Variants in KLF8 observed in about 807,000 individuals in gnomAD.
KLF8 encodes the protein Krueppel-like factor 8.
In KLF8, 10 loss-of-function variants were observed where a neutral mutation model predicts 18.2. That is an observed-to-expected ratio of 0.55 (90% CI 0.34 to 0.93). The LOEUF is 0.93. Ranked by LOEUF, KLF8 falls within the 40% of genes least tolerant of loss-of-function variation. The pLI, the probability that KLF8 is intolerant of heterozygous loss-of-function variation, is 0.02. For missense variants in KLF8, 264 were observed against 277.9 expected (o/e 0.95, Z 0.36); for synonymous variants, 109 against 97.3 (o/e 1.12, Z -0.71).
At chrX:56,083,782 C>A in the KLF8 span, among the ~76,000 whole-genome samples, 1 of 111,040 alleles carries the variant, frequency 9.0e-6, no homozygotes, top group African/African-American at 3.3e-5. Context: ...GGAGTGTGTA[C>A]CCTATTGTGA....
chrX:56,208,852 A>T, the KLF8 span, among the ~76,000 whole-genome samples: 8,643 of 111,763 alleles, frequency 0.077, 833 homozygotes, highest in African/African-American at 0.27. Context: ...TTTTAAAAAA[A>T]TTTTTAAGAC....
chrX:56,048,170 C>T, the KLF8 span, among the ~76,000 whole-genome samples: 28 of 111,426 alleles, frequency 2.5e-4, no homozygotes, highest in Non-Finnish European at 3.8e-4. Flanking sequence ...GATATTAGCC[C>T]TTTGTCAGAT....
the KLF8 span, among the ~76,000 whole-genome samples, chrX:55,938,406 G>A: frequency 9.0e-6 from 1 of 111,712 alleles, no homozygotes; most frequent in South Asian, 3.8e-4. Flanking sequence ...ACCAGTACCA[G>A]CCACTGCAAA....
chrX:56,033,824 T>C, the KLF8 span, among the ~76,000 whole-genome samples: 1 of 112,595 alleles, frequency 8.9e-6, no homozygotes, highest in East Asian at 2.8e-4. Context: ...GAAATGTCTT[T>C]TCAGATCTTT....
the KLF8 span, among the ~76,000 whole-genome samples, chrX:56,052,182 CA>C: frequency 3.6e-5 from 4 of 110,340 alleles, no homozygotes; most frequent in Non-Finnish European, 5.7e-5. Flanking sequence ...AAATTTTTTT[CA>C]AAGTTTTCAA....
chrX:55,947,380 C>G, the KLF8 span, among the ~76,000 whole-genome samples: 1 of 107,376 alleles, frequency 9.3e-6, no homozygotes, highest in African/African-American at 3.4e-5. Context: ...AGTAAACTAT[C>G]TCAAGAAGAA....
chrX:56,285,732 C>T lies in KLF8; in HGVS notation c.*1238C>T, dbSNP rs1385498599. 2 of 111,452 alleles carry T rather than the reference C, an allele frequency of 1.8e-5. No individual in the cohort carries two copies. Among genetic ancestry groups the T allele is most frequent in the South Asian group, 3.8e-4 (1 of 2,659 alleles). 9.2% of individuals were successfully genotyped at this position (111,452 alleles called of 1,213,427 possible). A position where few individuals can be genotyped will look rare whatever the true frequency, so the allele number is the denominator to read the frequency against. On this transcript the variant is annotated 3_prime_UTR_variant, in exon 6 of 6. Transcript: ENST00000468660. ...AGCTGATAGCAGATTGCATAATATACTCATTTAGCTGCCCAATCAGATTGT... is the reference window on the plus strand; with the variant it reads ...AGCTGATAGCAGATTGCATAATATATTCATTTAGCTGCCCAATCAGATTGT...
the KLF8 span, among the ~76,000 whole-genome samples, chrX:56,165,335 G>T: frequency 1.8e-5 from 2 of 112,166 alleles, no homozygotes; most frequent in Admixed American, 1.9e-4. Flanking sequence ...CAGCTGCTCT[G>T]CAAAAACATG....
chrX:56,227,590 G>C (rs1331567912), upstream of KLF8, among the ~76,000 whole-genome samples: 1 of 111,137 alleles, frequency 9.0e-6, no homozygotes, highest in Non-Finnish European at 1.9e-5. Context: ...TGATGAATCC[G>C]CCTTGGCCTC....
At chrX:56,149,496 G>A in the KLF8 span, among the ~76,000 whole-genome samples, 1 of 110,741 alleles carries the variant, frequency 9.0e-6, no homozygotes, top group Admixed American at 9.7e-5. Context: ...CTCACTGCCT[G>A]CCTGATAGGA....
chrX:56,184,697 C>T, the KLF8 span, among the ~76,000 whole-genome samples: 1 of 111,738 alleles, frequency 8.9e-6, no homozygotes, highest in Non-Finnish European at 1.9e-5. Context: ...AACGATCAGA[C>T]AGCAGCATTC....
the KLF8 span, chrX:55,962,221 GA>G: frequency 5.7e-6 from 1 of 175,185 alleles, no homozygotes; most frequent in Non-Finnish European, 1.1e-5. Context: ...TGCAAGAAGT[GA>G]AAAGCATGGC....
At chrX:56,072,706 A>G in the KLF8 span, among the ~76,000 whole-genome samples, 1 of 112,171 alleles carries the variant, frequency 8.9e-6, no homozygotes, top group African/African-American at 3.2e-5. Context: ...GGTGAAATAT[A>G]TATAACAAAA....
the KLF8 span, among the ~76,000 whole-genome samples, chrX:55,982,231 A>C: frequency 1.8e-5 from 2 of 111,872 alleles, no homozygotes; most frequent in Non-Finnish European, 3.8e-5. Context: ...TTTAAAACCT[A>C]ACATTAATGT....
the KLF8 span, among the ~76,000 whole-genome samples, chrX:56,072,558 G>A: frequency 1.6e-4 from 18 of 111,121 alleles, no homozygotes; most frequent in Non-Finnish European, 3.2e-4. Flanking sequence ...CTACTATCTT[G>A]GGCGATATAT....
the KLF8 span, among the ~76,000 whole-genome samples, chrX:56,044,532 AC>A: frequency 7.1e-5 from 8 of 112,415 alleles, no homozygotes; most frequent in Non-Finnish European, 1.5e-4. Flanking sequence ...GGGAGGTCCC[AC>A]CCAGTGAGGA....
chrX:55,987,284 T>C, the KLF8 span, among the ~76,000 whole-genome samples: 3 of 110,221 alleles, frequency 2.7e-5, no homozygotes, highest in Non-Finnish European at 3.8e-5. Flanking sequence ...TGTGCCATGT[T>C]GGTGTACTGC....
the KLF8 span, among the ~76,000 whole-genome samples, chrX:56,006,966 C>T: frequency 8.9e-6 from 1 of 111,809 alleles, no homozygotes; most frequent in Admixed American, 9.5e-5. Flanking sequence ...TCTCAGGCCC[C>T]TCACTGTGCC....
chrX:56,013,206 T>C, the KLF8 span, among the ~76,000 whole-genome samples: 4 of 112,866 alleles, frequency 3.5e-5, no homozygotes, highest in Non-Finnish European at 5.6e-5. Context: ...CTTTAAGGTT[T>C]AATGACTGCC....
Sources: allele counts gnomAD v4.1 joint callset (sites outside exome capture counted in the v4.1 genomes callset), GRCh38; gene constraint gnomAD v4.1.1; transcripts MANE v1.5; gene names NCBI Gene and HGNC (gene_info 2026-07-23, HGNC 2026-07-21).